PIAS3: variants seen among roughly 807,000 people sequenced by gnomAD.
The protein encoded by PIAS3 is E3 SUMO-protein ligase PIAS3.
In PIAS3, 34 loss-of-function variants were observed where a neutral mutation model predicts 67.6. The ratio of observed to expected loss-of-function variants is 0.50; its 90% CI spans 0.38 to 0.67. The LOEUF (loss-of-function observed/expected upper bound fraction) is 0.67, where lower values mean the gene tolerates loss of function less well. PIAS3 is among the 30% of genes least tolerant of loss of function. The pLI, the probability that PIAS3 is intolerant of heterozygous loss-of-function variation, is 0.00. For synonymous variants in PIAS3, 341 were observed against 313.8 expected, an observed-to-expected ratio of 1.09 and a Z score of -0.92; for missense variants, 693 against 791.6, an observed-to-expected ratio of 0.88 and a Z score of 1.49.
At chr1:145,854,031 G>T in intron 7 of PIAS3, 145 bp from the exon 8 acceptor site, 2 of 657,384 alleles carry the variant, frequency 3.0e-6, no homozygotes, top group East Asian at 2.7e-5. Context: ...CATGGAAGTG[G>T]TCTGGGATAT....
rs1653059078 is a variant in PIAS3, at chr1:145,853,889, G to A, written c.911-3C>T. 5.6e-6 allele frequency: 9 copies of A among 1,613,728 alleles called. No homozygotes were observed. The highest frequency in any genetic ancestry group is 7.6e-6 in the Non-Finnish European group (9 of 1,179,892). On this transcript the variant is annotated splice_region_variant and splice_polypyrimidine_tract_variant and intron_variant, in intron 7 of 13. Coordinates refer to ENST00000393045, the MANE Select transcript of PIAS3 (RefSeq NM_006099.3). ...GTCAGCAGTCAATTTCTCCTTGACT[G>A]AAACAAAAGTGAGGCCAGAGCCATG...
At chr1:145,851,809 CG>C (rs1400964566) in intron 9 of PIAS3, among the ~76,000 whole-genome samples, 1 of 151,588 alleles carries the variant, frequency 6.6e-6, no homozygotes, top group Non-Finnish European at 1.5e-5. Flanking sequence ...CAAAATTAGC[CG>C]GATGTGGCGG....
Position 145,855,108 on chromosome 1 carries a change from A to C in PIAS3, c.670-228T>G, listed in dbSNP as rs587648952. ...GGGAGAAAGGAGAGCTTATTTATTGACTGAGAAAAAAGGAACTCACTGAGT... is the reference window on the plus strand; with the variant it reads ...GGGAGAAAGGAGAGCTTATTTATTGCCTGAGAAAAAAGGAACTCACTGAGT... On this transcript the variant is annotated intron_variant, in intron 5 of 13. Coordinates refer to ENST00000393045, the MANE Select transcript of PIAS3 (RefSeq NM_006099.3). Among the ~76,000 whole-genome samples, 4 of 152,234 alleles carry C rather than the reference A, an allele frequency of 2.6e-5. No homozygotes were observed. In the South Asian group the frequency reaches 8.3e-4, roughly 32 times the overall value.
chr1:145,856,911 C>T lies in PIAS3; in HGVS notation c.120G>A (p.Lys40=), dbSNP rs782809947. Residue 40 remains lysine (K), a synonymous_variant, in exon 2 of 14, where the codon AAG becomes AAA. Coordinates refer to ENST00000393045, the MANE Select transcript of PIAS3 (RefSeq NM_006099.3). ...AGCTGGACTTCAGGAGGTGCAGAGC[C>T]TTGGCCAGGAGCTCGTGCTTCCGTC... ...KSGRKHELLA[K]ALHLLKSSCA... is the part of the protein sequence containing the mutation. 9 of 1,614,052 alleles carry T rather than the reference C, an allele frequency of 5.6e-6. No individual in the cohort carries two copies. The highest frequency in any genetic ancestry group is 4.0e-5 in the African/African-American group (3 of 74,914).
At position 145,859,004 on chromosome 1, in the gene PIAS3, A is replaced by G; in HGVS notation, c.-14T>C. 6.5e-7 allele frequency: 1 copy of G among 1,542,676 alleles called. No homozygotes were observed. Among genetic ancestry groups the G allele is most frequent in the Non-Finnish European group, 8.7e-7 (1 of 1,145,580 alleles). On this transcript the variant is annotated 5_prime_UTR_variant, in exon 1 of 14. Coordinates refer to ENST00000393045, the MANE Select transcript of PIAS3 (RefSeq NM_006099.3). ...CAGCTCCGCCATCTTGAGACATCGC[A>G]GGCGCCCCAGCCGGAGCCGGAGCTC...
rs782274523 is a variant in PIAS3 at position 145,854,884 on chromosome 1, G to A, written c.670-4C>T. On this transcript the variant is annotated splice_polypyrimidine_tract_variant and splice_region_variant and intron_variant, in intron 5 of 13. Transcript: ENST00000393045. Reference sequence around the variant, plus strand: ...TCTTGGTTGGGGGAAGGTAACCCTGGAGAAGGGAGGGATTGGTCAGTGGAG... The same window carrying A: ...TCTTGGTTGGGGGAAGGTAACCCTGAAGAAGGGAGGGATTGGTCAGTGGAG... 6.2e-7 allele frequency: 1 copy of A among 1,613,960 alleles called. No individual in the cohort carries two copies. The highest frequency in any genetic ancestry group is 1.1e-5 in the South Asian group (1 of 91,062).
chr1:145,851,205 G>A (rs1652949799), intron 9 of PIAS3, 52 bp from the exon 10 acceptor site: 3 of 1,576,396 alleles, frequency 1.9e-6, no homozygotes, highest in African/African-American at 2.7e-5. Flanking sequence ...GAGCAGAACA[G>A]TAGCCAGAGT....
chr1:145,855,026 T>C (rs1653110637), intron 5 of PIAS3, 146 bp from the exon 6 acceptor site: 6 of 901,252 alleles, frequency 6.7e-6, no homozygotes, highest in Non-Finnish European at 1.1e-5. Flanking sequence ...TGGAGGCCCA[T>C]TCAGTGGCTC....
rs782665930 is a variant in PIAS3 at position 145,849,610 on chromosome 1, G to A, written c.1723C>T (p.Pro575Ser). 7 of 1,613,376 alleles carry A rather than the reference G, an allele frequency of 4.3e-6. No individual in the cohort carries two copies. The highest frequency in any genetic ancestry group is 5.9e-6 in the Non-Finnish European group (7 of 1,179,748). ...CTGCAGTGGGAGCTCCCCAGCGTGG[G>A]GGCCAGTGGGCCCAGAAAGTGAGAA... ...TPSHFLGPLA[P>S]TLGSSHCSAT... The change falls in exon 14 of 14, where the codon CCC becomes TCC. Residue 575 changes from proline to serine, a missense_variant. Around this residue, in one of 3 missense-constraint regions of PIAS3, gnomAD observed 270 missense variants for 261.0 expected, o/e 1.03. Transcript: ENST00000393045.
At position 145,849,117 on chromosome 1, in the gene PIAS3, C is replaced by T. The variant is rs906936475; in HGVS notation, c.*329G>A. 14 of 215,244 alleles carry T rather than the reference C, an allele frequency of 6.5e-5. No homozygotes were observed. Among genetic ancestry groups the T allele is most frequent in the South Asian group, 1.8e-4 (1 of 5,458 alleles). The allele number at this position is 215,244 out of a possible 1,614,324, so 13.3% of individuals were successfully genotyped here. A position where few individuals can be genotyped will look rare whatever the true frequency, so the allele number is the denominator to read the frequency against. On this transcript the variant is annotated 3_prime_UTR_variant, in exon 14 of 14. Transcript: ENST00000393045. ...TGCCCCTTCCCCAAGAGGCTCTAGA[C>T]ATAGTCAAGGCTGAGGGTTCAGCCC... is the stretch of plus-strand genomic sequence containing the variant.
chr1:145,853,941 G>A lies in PIAS3; in HGVS notation c.911-55C>T, dbSNP rs187738279. 16 of 1,536,622 alleles carry A rather than the reference G, an allele frequency of 1.0e-5. No homozygotes were observed. In the African/African-American group the frequency reaches 1.8e-4, roughly 17 times the overall value. On this transcript the variant is annotated intron_variant, in intron 7 of 13. Transcript: ENST00000393045. ...GGTCAGCAAGGCTGGAGGAAGCCCA[G>A]GAGTTGGTAAGGCCAGGAACAGATG...
In PIAS3 at chr1:145,853,679, G is replaced by A; in HGVS notation, c.985-15C>T. 2 of 1,612,994 alleles carry A rather than the reference G, an allele frequency of 1.2e-6. No homozygotes were observed. The highest frequency in any genetic ancestry group is 1.7e-6 in the Non-Finnish European group (2 of 1,179,348). ...ATCTTCCCTAGCTGAGGAGAAGCAA[G>A]TTCTCTTGTCAGAGGCCCTACTCTG... On this transcript the variant is annotated splice_polypyrimidine_tract_variant and intron_variant, in intron 8 of 13. Transcript: ENST00000393045.
Position 145,858,985 on chromosome 1 carries a change from C to A in PIAS3, c.6G>T (p.Ala2=). The change falls in exon 1 of 14, where the codon GCG becomes GCT. Residue 2 remains alanine (A), a synonymous_variant. Coordinates refer to ENST00000393045, the MANE Select transcript of PIAS3 (RefSeq NM_006099.3). ...CCGGTACCTTTAATTCGCCCAGCTCCGCCATCTTGAGACATCGCAGGCGCC... is the reference window on the plus strand; with the variant it reads ...CCGGTACCTTTAATTCGCCCAGCTCAGCCATCTTGAGACATCGCAGGCGCC... The part of the protein sequence containing the change: M[A]ELGELKHMVM... 6.5e-7 allele frequency: 1 copy of A among 1,544,934 alleles called. No individual in the cohort carries two copies. The highest frequency in any genetic ancestry group is 2.6e-5 in the East Asian group (1 of 38,936).
intron 5 of PIAS3, 136 bp from the exon 6 acceptor site, chr1:145,855,016 T>G (rs1032703770): frequency 1.0e-6 from 1 of 988,734 alleles, no homozygotes; most frequent in Non-Finnish European, 1.6e-6. Context: ...ACCAAGGGGA[T>G]GGAGGCCCAT....
In PIAS3 at chr1:145,855,819, G is replaced by C; in HGVS notation, c.586C>G (p.Leu196Val). 6.3e-7 allele frequency: 1 copy of C among 1,591,408 alleles called. No homozygotes were observed. Among genetic ancestry groups the C allele is most frequent in the South Asian group, 1.1e-5 (1 of 90,648 alleles). ...YTIQVQLRFC[L>V]CETSCPQEDY... ...TCCTGGGGGCAGCTGGTCTCACAGA[G>C]ACAGAACCTGGTAAGAGATGAGAAA... Residue 196 changes from leucine to valine, a missense_variant, in exon 5 of 14, where the codon CTC (leucine) becomes GTC (valine). By Grantham distance (32) the Leu-to-Val change is conservative. Around this residue, in one of 3 missense-constraint regions of PIAS3, gnomAD observed 308 missense variants for 348.8 expected, o/e 0.88. Coordinates refer to ENST00000393045, the MANE Select transcript of PIAS3 (RefSeq NM_006099.3).
At chr1:145,852,098 T>C (rs587724882) in intron 9 of PIAS3, among the ~76,000 whole-genome samples, 1 of 151,726 alleles carries the variant, frequency 6.6e-6, no homozygotes, top group East Asian at 1.9e-4. Flanking sequence ...AATAAATAAA[T>C]AAAGGCACTA....
At chr1:145,853,419 A>AAAAAT in intron 9 of PIAS3, 85 bp downstream of exon 9, 1 of 1,163,458 alleles carries the variant, frequency 8.6e-7, no homozygotes, top group Non-Finnish European at 1.2e-6. Flanking sequence ...CAAAAAAAAA[A>AAAAAT]AAAAGAAAAG....
chr1:145,856,555 G>T, intron 2 of PIAS3, 34 bp downstream of exon 2: 1 of 1,584,080 alleles, frequency 6.3e-7, no homozygotes, highest in Non-Finnish European at 8.6e-7. Flanking sequence ...CAGGTAGGGA[G>T]TCCAGAAGAC....
chr1:145,858,957 G>A lies in PIAS3; in HGVS notation c.24+10C>T, dbSNP rs587596232. The A allele has an allele frequency of 4.9e-5, 75 of 1,528,610 alleles. No individual in the cohort carries two copies. The East Asian group carries it at 1.6e-3, about 33-fold the overall frequency. The allele number at this position is 1,528,610 out of a possible 1,614,324, so 94.7% of individuals were successfully genotyped here. ...GAGTCCAGATGGGGATGGGGGGAGG[G>A]GGCCGGTACCTTTAATTCGCCCAGC... On this transcript the variant is annotated intron_variant, in intron 1 of 13. Transcript: ENST00000393045.
Sources: allele counts gnomAD v4.1 joint callset (sites outside exome capture counted in the v4.1 genomes callset), GRCh38; gene constraint gnomAD v4.1.1; regional missense constraint gnomAD v4.1.1; transcripts MANE v1.5; gene names NCBI Gene and HGNC (gene_info 2026-07-23, HGNC 2026-07-21).